Variants in SH3YL1 observed in about 807,000 individuals in gnomAD.
SH3YL1 encodes the protein SH3 domain-containing YSC84-like protein 1.
Under a neutral mutation model 45.8 loss-of-function variants are expected in SH3YL1, and 41 were observed. The ratio of observed to expected loss-of-function variants is 0.89; its 90% CI spans 0.70 to 1.16. SH3YL1 has a LOEUF of 1.16. Ranked by LOEUF, SH3YL1 falls within the 50% of genes most tolerant of loss-of-function variation. The pLI is 0.00. For missense variants in SH3YL1, 389 were observed against 409.6 expected (o/e 0.95, Z 0.43); for synonymous variants, 152 against 151.4 (o/e 1.00, Z -0.03).
chr2:249,956 G>A, intron 2 of SH3YL1, 112 bp from the exon 3 acceptor site: 1 of 714,586 alleles, frequency 1.4e-6, no homozygotes, highest in South Asian at 1.8e-5. Context: ...AGGAATTCGG[G>A]GCACACAGGA....
chr2:234,277 AG>A lies in SH3YL1; in HGVS notation c.292-6del. 1 of 1,601,576 alleles carries A rather than the reference AG, an allele frequency of 6.2e-7. No individual in the cohort carries two copies. The highest frequency in any genetic ancestry group is 8.5e-7 in the Non-Finnish European group (1 of 1,173,636). On this transcript the variant is annotated splice_polypyrimidine_tract_variant and splice_region_variant and intron_variant, in intron 4 of 9. Transcript: ENST00000356150. ...AATTATCACCAAGTCTGATACCTAA[AG>A]TGTAGAAACCCATGGATTTAAAAAT...
chr2:220,925 T>G (rs1054804426), intron 9 of SH3YL1, among the ~76,000 whole-genome samples: 4 of 152,184 alleles, frequency 2.6e-5, no homozygotes, highest in Non-Finnish European at 5.9e-5. Context: ...TACCATGCAT[T>G]TATACACTTG....
At chr2:227,829 GA>G (rs199891157) in intron 8 of SH3YL1, among the ~76,000 whole-genome samples, 5 of 151,282 alleles carry the variant, frequency 3.3e-5, no homozygotes, top group South Asian at 2.1e-4. Context: ...CAAAGGAAAA[GA>G]AAAAAAATAC....
chr2:252,928 T>TGGAGTGTC (rs1374283769), intron 2 of SH3YL1, 77 bp downstream of exon 2: 1 of 824,392 alleles, frequency 1.2e-6, no homozygotes, highest in Non-Finnish European at 1.9e-6. Flanking sequence ...CTGCCTGAAA[T>TGGAGTGTC]GGAGTGTCGA....
chr2:229,949 G>C lies in SH3YL1; in HGVS notation c.781+17C>G, dbSNP rs755998660. ...ACTTAATTACAACTGTATTTGAATT[G>C]CAACAAAAATATTTACTTTGAGAGC... On this transcript the variant is annotated intron_variant, in intron 8 of 9. Coordinates refer to ENST00000356150, the MANE Select transcript of SH3YL1 (RefSeq NM_015677.4). 34 of 1,597,478 alleles carry C rather than the reference G, an allele frequency of 2.1e-5. No individual in the cohort carries two copies. The highest frequency in any genetic ancestry group is 2.8e-5 in the Non-Finnish European group (33 of 1,165,986).
chr2:218,741 T>C lies in SH3YL1; in HGVS notation c.*70A>G. 5.5e-6 allele frequency: 7 copies of C among 1,276,474 alleles called. No individual in the cohort carries two copies. Among genetic ancestry groups the C allele is most frequent in the Non-Finnish European group, 7.5e-6 (7 of 934,518 alleles). 79.1% of individuals were successfully genotyped at this position (1,276,474 alleles called of 1,614,324 possible). A position where few individuals can be genotyped will look rare whatever the true frequency, so the allele number is the denominator to read the frequency against. On this transcript the variant is annotated 3_prime_UTR_variant, in exon 10 of 10. Transcript: ENST00000356150. ...TTTTAAAATTTATATTAAACATTGC[T>C]TAACTAGTAAATCCTGTCAGTGTAG...
In SH3YL1 at chr2:259,015, T is replaced by A. The variant is rs115688059; in HGVS notation, c.1+4969A>T. On this transcript the variant is annotated intron_variant, in intron 1 of 9. Transcript: ENST00000356150. ...CAGACTCAATTTCTGCCTCTTCTTT[T>A]AAGCAGGAGCCTGGGCTCTGGGTGC... Among the ~76,000 whole-genome samples, 752 of 152,332 alleles carry A rather than the reference T, an allele frequency of 4.9e-3. 9 individuals are homozygous for A. Among genetic ancestry groups the A allele is most frequent in the African/African-American group, 0.017 (718 of 41,578 alleles).
upstream of SH3YL1, chr2:264,559 C>T (rs934323448): frequency 4.2e-5 from 8 of 191,892 alleles, no homozygotes; most frequent in African/African-American, 1.9e-4. Context: ...GGCTCCTTCC[C>T]CTCCAAGCGA....
upstream of SH3YL1, chr2:264,778 C>G (rs1028041263): frequency 3.3e-6 from 2 of 609,528 alleles, no homozygotes; most frequent in Non-Finnish European, 5.4e-6. Context: ...GCCCGTCCTA[C>G]TACCGTCATA....
intron 9 of SH3YL1, 67 bp downstream of exon 9, chr2:224,797 T>C (rs1219506897): frequency 8.7e-7 from 1 of 1,152,328 alleles, no homozygotes; most frequent in East Asian, 2.3e-5. Context: ...CCTGTCAGAT[T>C]AATTAGGAAG....
chr2:235,608 C>T (rs865962302), intron 4 of SH3YL1, among the ~76,000 whole-genome samples: 3 of 54,298 alleles, frequency 5.5e-5, no homozygotes, highest in South Asian at 1.0e-3. Flanking sequence ...GCAGCATGGG[C>T]CAGGGGAGGC....
At chr2:241,690 AATAG>A (rs752397616) in intron 4 of SH3YL1, 13 of 152,156 alleles carry the variant, frequency 8.5e-5, no homozygotes, top group Non-Finnish European at 1.6e-4. Flanking sequence ...CAATTAGAAT[AATAG>A]ATAGATTTCT....
intron 1 of SH3YL1, among the ~76,000 whole-genome samples, chr2:253,956 C>A (rs1669194137): frequency 6.6e-6 from 1 of 152,110 alleles, no homozygotes. Flanking sequence ...AAACTCTCAT[C>A]TCAGAAATTA....
intron 1 of SH3YL1, 102 bp from the exon 2 acceptor site, chr2:253,217 C>A: frequency 2.9e-6 from 2 of 698,950 alleles, no homozygotes; most frequent in South Asian, 2.0e-5. Flanking sequence ...CAGAGGTGTT[C>A]AAACCAGAGG....
intron 3 of SH3YL1, among the ~76,000 whole-genome samples, chr2:248,441 G>C (rs1668931601): frequency 6.6e-6 from 1 of 152,112 alleles, no homozygotes; most frequent in Non-Finnish European, 1.5e-5. Context: ...CCCTATGTTA[G>C]GAACTGTCCC....
chr2:225,042 T>A (rs1309578339), intron 8 of SH3YL1, 122 bp from the exon 9 acceptor site: 6 of 745,520 alleles, frequency 8.0e-6, no homozygotes, highest in African/African-American at 3.5e-5. Flanking sequence ...GTTGATAGGA[T>A]CATCATCATT....
At chr2:243,537 G>A in intron 4 of SH3YL1, 1 of 1,541,898 alleles carries the variant, frequency 6.5e-7, no homozygotes. Context: ...GCAATGCTCA[G>A]AGGGAATATG....
intron 5 of SH3YL1, 56 bp from the exon 6 acceptor site, chr2:233,285 C>T: frequency 1.4e-6 from 2 of 1,450,148 alleles, no homozygotes; most frequent in South Asian, 1.6e-5. Flanking sequence ...AGCCGAGGAT[C>T]ACTATTTAAA....
intron 4 of SH3YL1, among the ~76,000 whole-genome samples, chr2:246,493 T>C (rs971567234): frequency 2.0e-5 from 3 of 151,382 alleles, no homozygotes; most frequent in Admixed American, 6.6e-5. Context: ...CAGAGGGTTG[T>C]GGGAAGAACA....
Sources: gnomAD v4.1 joint callset for allele counts (sites outside exome capture counted in the v4.1 genomes callset) on GRCh38, gnomAD v4.1.1 for gene constraint, MANE v1.5 for transcripts, NCBI Gene and HGNC (gene_info 2026-07-23, HGNC 2026-07-21) for gene names.